BACH2: variants seen among roughly 807,000 people sequenced by gnomAD.
BACH2 encodes the protein BACH transcriptional regulator 2.
Under a neutral mutation model 61.8 loss-of-function variants are expected in BACH2, and 5 were observed. The observed-to-expected ratio is 0.08, with a 90% CI of 0.04 to 0.17. The LOEUF (loss-of-function observed/expected upper bound fraction) is 0.17, where lower values mean the gene tolerates loss of function less well. BACH2 is among the 10% of genes least tolerant of loss of function. BACH2 has a pLI of 1.00. For synonymous variants in BACH2, 446 were observed against 440.1 expected (o/e 1.01, Z -0.17); for missense variants, 824 against 1,091.1 (o/e 0.76, Z 3.45).
intron 6 of BACH2, among the ~76,000 whole-genome samples, chr6:89,956,107 G>A (rs966394197): frequency 7.2e-5 from 11 of 152,140 alleles, no homozygotes; most frequent in African/African-American, 2.7e-4. Context: ...TGCAAAATAT[G>A]GTGTTAGGGA....
intron 1 of BACH2, among the ~76,000 whole-genome samples, chr6:90,295,197 A>G (rs2127895876): frequency 6.6e-6 from 1 of 151,910 alleles, no homozygotes; most frequent in African/African-American, 2.4e-5. Flanking sequence ...TGACCGGGAG[A>G]GCAGGCTGCG....
At chr6:90,095,195 T>C (rs77617629) in intron 4 of BACH2, among the ~76,000 whole-genome samples, 1,996 of 151,706 alleles carry the variant, frequency 0.013, 36 homozygotes, top group African/African-American at 0.046. Flanking sequence ...CAATTGATGT[T>C]AATTGTTAAT....
chr6:90,248,366 G>A (rs904015277), intron 3 of BACH2, among the ~76,000 whole-genome samples: 1 of 152,124 alleles, frequency 6.6e-6, no homozygotes, highest in South Asian at 2.1e-4. Flanking sequence ...TGCTTGCTAG[G>A]AAGTGGATAT....
rs74781156 is a variant in BACH2 at position 90,096,448 on chromosome 6, A to G, written c.-161-7339T>C. Reference sequence around the variant, plus strand: ...AGGGATAACCAAAATCCACATGTTTATTTACTGTATAATTACCTATCTTCT... The same window carrying G: ...AGGGATAACCAAAATCCACATGTTTGTTTACTGTATAATTACCTATCTTCT... On this transcript the variant is annotated intron_variant, in intron 4 of 8. Transcript: ENST00000257749. Among the ~76,000 whole-genome samples the G allele has an allele frequency of 5.6e-3, 853 of 152,308 alleles. 12 individuals are homozygous for G. The highest frequency in any genetic ancestry group is 0.019 in the African/African-American group (789 of 41,562).
At chr6:90,201,191 C>T (rs1768944535) in intron 4 of BACH2, among the ~76,000 whole-genome samples, 4 of 152,124 alleles carry the variant, frequency 2.6e-5, no homozygotes, top group South Asian at 2.1e-4. Context: ...CATGGCGGTT[C>T]TCTTTGAGTT....
chr6:89,930,768 T>A lies in BACH2; in HGVS notation c.*1640A>T, dbSNP rs888860350. The A allele has an allele frequency of 1.3e-4, 20 of 152,462 alleles. No individual in the cohort carries two copies. The highest frequency in any genetic ancestry group is 4.3e-4 in the African/African-American group (18 of 41,428). The allele number at this position is 152,462 out of a possible 1,614,324, so 9.4% of individuals were successfully genotyped here. On this transcript the variant is annotated 3_prime_UTR_variant, in exon 9 of 9. Transcript: ENST00000257749. ...TGATTCGGGAAGGGGACAGGGAGGG[T>A]TCCCGGTGATAGCTTGTCCAAAGCC... is the stretch of plus-strand genomic sequence containing the variant.
intron 5 of BACH2, among the ~76,000 whole-genome samples, chr6:90,067,271 T>C (rs6932747): frequency 0.88 from 134,336 of 152,166 alleles, 59,543 homozygotes; most frequent in East Asian, 0.99. Flanking sequence ...GGAGCCCCTC[T>C]TGTGGAGTGT....
At chr6:89,968,330 C>T (rs1205272526) in intron 6 of BACH2, among the ~76,000 whole-genome samples, 1 of 152,236 alleles carries the variant, frequency 6.6e-6, no homozygotes, top group Non-Finnish European at 1.5e-5. Flanking sequence ...CTGAATATTC[C>T]ACTGGACCTG....
chr6:89,950,615 G>T lies in BACH2; in HGVS notation c.1491C>A (p.Asn497Lys). The T allele has an allele frequency of 6.2e-7, 1 of 1,613,952 alleles. No homozygotes were observed. Among genetic ancestry groups the T allele is most frequent in the Non-Finnish European group, 8.5e-7 (1 of 1,179,918 alleles). ...ADHLPGRMRP[N>K]TSCPVPIKVC... ...CTTTGATTGGTACCGGGCAGCTGGT[G>T]TTGGGCCGCATCCTTCCTGGCAAGT... The change falls in exon 7 of 9, where the codon AAC (asparagine) becomes AAA (lysine). Residue 497 changes from asparagine (N) to lysine (K), a missense_variant. Coordinates refer to ENST00000257749, the MANE Select transcript of BACH2 (RefSeq NM_021813.4). The surrounding 1 kb of genome is among the most constrained non-coding windows in gnomAD (Gnocchi z 5.3).
intron 4 of BACH2, among the ~76,000 whole-genome samples, chr6:90,107,370 C>CAA (rs542795445): frequency 1.2e-3 from 170 of 145,114 alleles, no homozygotes; most frequent in African/African-American, 4.2e-3. Context: ...GACTCTGTCT[C>CAA]AAAAAAAAAC....
intron 4 of BACH2, among the ~76,000 whole-genome samples, chr6:90,098,893 T>G (rs1782496338): frequency 1.3e-5 from 2 of 152,148 alleles, no homozygotes; most frequent in African/African-American, 4.8e-5. Flanking sequence ...AGCTGGCTAC[T>G]CTGGGAACGT....
chr6:90,180,530 T>C (rs1395044882), intron 4 of BACH2, among the ~76,000 whole-genome samples: 1 of 152,106 alleles, frequency 6.6e-6, no homozygotes, highest in African/African-American at 2.4e-5. Flanking sequence ...CAACCACCTC[T>C]CAACCTCCTC....
chr6:90,049,414 C>T (rs73752872), intron 5 of BACH2, among the ~76,000 whole-genome samples: 9,597 of 152,160 alleles, frequency 0.063, 356 homozygotes, highest in South Asian at 0.095. Context: ...CTCAATGACG[C>T]GAAGAAGAGA....
At chr6:90,236,894 C>T (rs558462611) in intron 3 of BACH2, among the ~76,000 whole-genome samples, 7 of 152,168 alleles carry the variant, frequency 4.6e-5, no homozygotes, top group East Asian at 1.9e-4. Flanking sequence ...TGAAATTGTA[C>T]AAACCCATTC....
At chr6:90,137,344 G>A (rs769798656) in intron 4 of BACH2, among the ~76,000 whole-genome samples, 12 of 152,016 alleles carry the variant, frequency 7.9e-5, no homozygotes, top group Admixed American at 2.6e-4. Flanking sequence ...TGTTTCTGCT[G>A]GAGTGAGAAA....
At chr6:90,041,467 A>G (rs189243335) in intron 5 of BACH2, among the ~76,000 whole-genome samples, 34 of 152,136 alleles carry the variant, frequency 2.2e-4, no homozygotes, top group Admixed American at 2.0e-3. Flanking sequence ...ATTATATTAA[A>G]AGATTTTTCC....
intron 6 of BACH2, among the ~76,000 whole-genome samples, chr6:89,956,004 T>C (rs1164135707): frequency 6.6e-6 from 1 of 152,196 alleles, no homozygotes; most frequent in Non-Finnish European, 1.5e-5. Context: ...TCCAACTCAC[T>C]GATGTTAATG....
chr6:90,258,323 C>A (rs559115372), intron 2 of BACH2, among the ~76,000 whole-genome samples: 1 of 152,122 alleles, frequency 6.6e-6, no homozygotes, highest in Admixed American at 6.6e-5. Flanking sequence ...AGAGACTATT[C>A]TTTTCCCATT....
intron 4 of BACH2, among the ~76,000 whole-genome samples, chr6:90,119,025 TC>T (rs1294575326): frequency 2.0e-5 from 3 of 152,228 alleles, no homozygotes; most frequent in Admixed American, 6.5e-5. Context: ...CAACTATCTA[TC>T]AAATGTTCAG....
Sources: gnomAD v4.1 joint callset for allele counts (sites outside exome capture counted in the v4.1 genomes callset) on GRCh38, gnomAD v4.1.1 for gene constraint, Gnocchi (gnomAD v3.1) non-coding constraint, MANE v1.5 for transcripts, NCBI Gene and HGNC (gene_info 2026-07-23, HGNC 2026-07-21) for gene names.